GANAB: variants seen among roughly 807,000 people sequenced by gnomAD.
The protein encoded by GANAB is glucosidase II alpha subunit.
A neutral mutation model predicts 129.9 loss-of-function variants in GANAB; 35 were observed. The ratio of observed to expected loss-of-function variants is 0.27; its 90% CI spans 0.21 to 0.36. GANAB has a LOEUF of 0.36. Ranked by LOEUF, GANAB falls within the 10% of genes least tolerant of loss-of-function variation. GANAB has a pLI of 1.00. For missense variants in GANAB, 939 were observed against 1,221.0 expected, an observed-to-expected ratio of 0.77 and a Z score of 3.44; for synonymous variants, 482 against 451.8, an observed-to-expected ratio of 1.07 and a Z score of -0.85.
chr11:62,634,508 A>G lies in GANAB; in HGVS notation c.560+313T>C, dbSNP rs1206771744. On this transcript the variant is annotated intron_variant, in intron 5 of 23. Transcript: ENST00000356638. Reference sequence around the variant, plus strand: ...GAAAAAGAAACCAAAAAAAATAAATAAATAAAAACGAAGAAAATAAATCTG... The same window carrying G: ...GAAAAAGAAACCAAAAAAAATAAATGAATAAAAACGAAGAAAATAAATCTG... 3 of 675,378 alleles carry G rather than the reference A, an allele frequency of 4.4e-6. No individual in the cohort carries two copies. In the East Asian group the frequency reaches 7.8e-5, roughly 18 times the overall value. The allele number at this position is 675,378 out of a possible 1,614,324, so 41.8% of individuals were successfully genotyped here.
chr11:62,646,583 G>GCCGCTA lies in GANAB; in HGVS notation c.11_16dup (p.Val4_Ala5dup). On this transcript the variant is annotated inframe_insertion, in exon 1 of 24. Coordinates refer to ENST00000356638, the MANE Select transcript of GANAB (RefSeq NM_198334.3). ...TCACCGCCTCCTACGCGCCGCCACTGCCGCTACCGCCGCCATCTTGTGCAG... is the reference window on the plus strand; with the variant it reads ...TCACCGCCTCCTACGCGCCGCCACTGCCGCTACCGCTACCGCCGCCATCTTGTGCAG... The GCCGCTA allele has an allele frequency of 6.2e-7, 1 of 1,613,848 alleles. No individual in the cohort carries two copies. Among genetic ancestry groups the GCCGCTA allele is most frequent in the African/African-American group, 1.3e-5 (1 of 75,052 alleles).
At chr11:62,628,205 CTTTT>C (rs58757640) in intron 17 of GANAB, among the ~76,000 whole-genome samples, 23 of 98,424 alleles carry the variant, frequency 2.3e-4, no homozygotes, top group African/African-American at 4.3e-4. Context: ...CTTCTCAAAA[CTTTT>C]TTTTTTTTTT....
At chr11:62,639,809 C>G in intron 1 of GANAB, 78 bp from the exon 2 acceptor site, 1 of 822,370 alleles carries the variant, frequency 1.2e-6, no homozygotes, top group Non-Finnish European at 2.1e-6. Context: ...AAGCTTCTTC[C>G]TGTCATAGCA....
chr11:62,646,539 C>A (rs749243529), intron 1 of GANAB, 23 bp downstream of exon 1: 1 of 1,612,518 alleles, frequency 6.2e-7, no homozygotes, highest in Non-Finnish European at 8.5e-7. Context: ...CCCGGGCGCG[C>A]CCCCAGATTC....
chr11:62,644,544 G>A (rs1033216855), intron 1 of GANAB, among the ~76,000 whole-genome samples: 1 of 151,574 alleles, frequency 6.6e-6, no homozygotes. Flanking sequence ...CTGCCTGAAC[G>A]CAAGAGTTTG....
intron 1 of GANAB, among the ~76,000 whole-genome samples, chr11:62,640,250 A>AAAAAAACAAAAAAAAAG (rs1944175739): frequency 1.0e-5 from 1 of 96,732 alleles, no homozygotes; most frequent in Non-Finnish European, 2.2e-5. Flanking sequence ...AAAAAAAAAA[A>AAAAAAACAAAAAAAAAG]AAGCCAGGCG....
Position 62,639,566 on chromosome 11 carries a change from G to C in GANAB, c.143+61C>G. On this transcript the variant is annotated intron_variant, in intron 2 of 23. Coordinates refer to ENST00000356638, the MANE Select transcript of GANAB (RefSeq NM_198334.3). ...GTCCTTAGGCACTCCATCTGCCACA[G>C]ATATCTCCCACATTACCCTACAACC... 2.8e-6 allele frequency: 4 copies of C among 1,450,644 alleles called. No homozygotes were observed. In the South Asian group the frequency reaches 4.6e-5, roughly 17 times the overall value. The allele number at this position is 1,450,644 out of a possible 1,614,324, so 89.9% of individuals were successfully genotyped here. A position where few individuals can be genotyped will look rare whatever the true frequency, so the allele number is the denominator to read the frequency against.
intron 1 of GANAB, among the ~76,000 whole-genome samples, chr11:62,644,579 C>T (rs551792381): frequency 6.6e-6 from 1 of 152,218 alleles, no homozygotes; most frequent in East Asian, 1.9e-4. Context: ...ACGATTGCAC[C>T]ACTGCTCTCC....
In GANAB at chr11:62,625,337, G is replaced by C. The variant is rs772801273; in HGVS notation, c.*478C>G. 1.1e-5 allele frequency: 5 copies of C among 453,590 alleles called. No homozygotes were observed. Among genetic ancestry groups the C allele is most frequent in the South Asian group, 7.8e-5 (5 of 64,218 alleles). 28.1% of individuals were successfully genotyped at this position (453,590 alleles called of 1,614,324 possible). On this transcript the variant is annotated 3_prime_UTR_variant, in exon 24 of 24. Transcript: ENST00000356638. ...GTGTATCGGTGGGGCATAAAAAGGG[G>C]AGTAAAGCCTGGAGGAAGAAATGAA... is the stretch of plus-strand genomic sequence containing the variant.
rs1380013800 is a variant in GANAB at position 62,638,874 on chromosome 11, G to A, written c.380+109C>T. On this transcript the variant is annotated intron_variant, in intron 4 of 23. Transcript: ENST00000356638. ...GTTGAGGAGTATGGCAAGGTGCTAT[G>A]CTAGTTAACTACTACCTTATTTTGG... 6 of 1,028,742 alleles carry A rather than the reference G, an allele frequency of 5.8e-6. No homozygotes were observed. The Admixed American group carries it at 7.8e-5, about 13-fold the overall frequency. The allele number at this position is 1,028,742 out of a possible 1,614,324, so 63.7% of individuals were successfully genotyped here. A position where few individuals can be genotyped will look rare whatever the true frequency, so the allele number is the denominator to read the frequency against.
At chr11:62,627,761 G>A (rs1943468352) in intron 17 of GANAB, among the ~76,000 whole-genome samples, 1 of 152,084 alleles carries the variant, frequency 6.6e-6, no homozygotes, top group African/African-American at 2.4e-5. Context: ...GAAAAGAACA[G>A]CACAGGGGTT....
chr11:62,635,115 G>A (rs1203211620), intron 4 of GANAB, 115 bp from the exon 5 acceptor site: 2 of 684,082 alleles, frequency 2.9e-6, no homozygotes, highest in Non-Finnish European at 5.1e-6. Flanking sequence ...TGTGGTAACA[G>A]AGCAGGGATA....
chr11:62,637,904 A>C (rs1326657620), intron 4 of GANAB, among the ~76,000 whole-genome samples: 2 of 151,960 alleles, frequency 1.3e-5, no homozygotes, highest in African/African-American at 4.8e-5. Flanking sequence ...ATCTCAAAAA[A>C]AAAAAAAGAA....
chr11:62,638,928 T>C, intron 4 of GANAB, 55 bp downstream of exon 4: 1 of 1,588,262 alleles, frequency 6.3e-7, no homozygotes, highest in Non-Finnish European at 8.6e-7. Context: ...AAAAAAAGGT[T>C]CATCAGGAAG....
At chr11:62,642,656 G>A (rs919963770) in intron 1 of GANAB, among the ~76,000 whole-genome samples, 2 of 151,896 alleles carry the variant, frequency 1.3e-5, no homozygotes, top group Non-Finnish European at 2.9e-5. Context: ...GGCTCGTATC[G>A]AACTCCTGAC....
chr11:62,631,588 G>A (rs1028433082), intron 9 of GANAB, among the ~76,000 whole-genome samples: 4 of 149,872 alleles, frequency 2.7e-5, no homozygotes, highest in South Asian at 2.1e-4. Flanking sequence ...TCAGCCTCCC[G>A]AGTAGCTAAG....
At chr11:62,638,841 G>A (rs2134527664) in intron 4 of GANAB, 142 bp downstream of exon 4, 1 of 688,938 alleles carries the variant, frequency 1.5e-6, no homozygotes. Context: ...AAGAAGAGGT[G>A]GGGAAAGGTT....
intron 4 of GANAB, among the ~76,000 whole-genome samples, chr11:62,638,609 AGG>A (rs1180006285): frequency 1.4e-4 from 9 of 66,514 alleles, no homozygotes; most frequent in African/African-American, 3.7e-4. Flanking sequence ...GAAGGAAGGA[AGG>A]AAGGAAGGAA....
At chr11:62,642,982 A>G (rs1043996134) in intron 1 of GANAB, among the ~76,000 whole-genome samples, 2 of 152,186 alleles carry the variant, frequency 1.3e-5, no homozygotes, top group Admixed American at 6.5e-5. Flanking sequence ...GTGCTTTACC[A>G]TGATGCACAA....
Sources: gnomAD v4.1 joint callset for allele counts (sites outside exome capture counted in the v4.1 genomes callset) on GRCh38, gnomAD v4.1.1 for gene constraint, MANE v1.5 for transcripts, NCBI Gene and HGNC (gene_info 2026-07-23, HGNC 2026-07-21) for gene names.